The following DPP6 variants were observed in gnomAD, a reference collection of about 807,000 sequenced individuals.
DPP6 encodes dipeptidyl peptidase like 6.
A neutral mutation model predicts 122.6 loss-of-function variants in DPP6; 69 were observed. The ratio of observed to expected loss-of-function variants is 0.56; its 90% CI spans 0.46 to 0.69. The LOEUF (loss-of-function observed/expected upper bound fraction) is 0.69. DPP6 is among the 30% of genes least tolerant of loss of function. The pLI is 0.00. For missense variants in DPP6, 928 were observed against 1,116.9 expected (o/e 0.83, Z 2.41); for synonymous variants, 418 against 433.1 (o/e 0.97, Z 0.43).
At chr7:154,593,732 C>G (rs894948878) in intron 5 of DPP6, among the ~76,000 whole-genome samples, 1 of 152,204 alleles carries the variant, frequency 6.6e-6, no homozygotes, top group African/African-American at 2.4e-5. Context: ...AACCTGAGCC[C>G]TTTCCACACG....
chr7:153,960,151 C>G (rs1274499340), intron 1 of DPP6, among the ~76,000 whole-genome samples: 1 of 150,664 alleles, frequency 6.6e-6, no homozygotes, highest in African/African-American at 2.5e-5. Flanking sequence ...TAAAGTAAAA[C>G]TTTATGAAGT....
chr7:154,880,802 G>T (rs1584968293), intron 20 of DPP6, 86 bp from the exon 21 acceptor site: 1 of 1,611,188 alleles, frequency 6.2e-7, no homozygotes, highest in East Asian at 2.2e-5. Flanking sequence ...CCTTGAAATG[G>T]ATGGAAAACA....
intron 17 of DPP6, among the ~76,000 whole-genome samples, chr7:154,854,846 T>C (rs1250264023): frequency 1.2e-4 from 19 of 152,178 alleles, no homozygotes; most frequent in Admixed American, 1.2e-3. Flanking sequence ...CCTCGGTCCC[T>C]CCCTTTCCAG....
chr7:154,726,733 T>A (rs1842084018), intron 7 of DPP6, among the ~76,000 whole-genome samples: 1 of 152,234 alleles, frequency 6.6e-6, no homozygotes, highest in Admixed American at 6.5e-5. Flanking sequence ...CCCTAGAAAG[T>A]GAGTTTTTCT....
chr7:154,770,121 C>T, intron 9 of DPP6, among the ~76,000 whole-genome samples: 1 of 152,122 alleles, frequency 6.6e-6, no homozygotes, highest in East Asian at 1.9e-4. Flanking sequence ...GATTAGTGCC[C>T]TTATGTATTT....
At chr7:154,726,200 C>T (rs189746676) in intron 7 of DPP6, among the ~76,000 whole-genome samples, 32 of 152,328 alleles carry the variant, frequency 2.1e-4, no homozygotes, top group Admixed American at 9.1e-4. Flanking sequence ...TGGCCCTCTT[C>T]TCACAGCTCC....
At chr7:154,196,657 G>T (rs2150776239) in intron 1 of DPP6, among the ~76,000 whole-genome samples, 1 of 152,278 alleles carries the variant, frequency 6.6e-6, no homozygotes, top group South Asian at 2.1e-4. Context: ...GACCACCTGG[G>T]CTCCCTGGCC....
At chr7:154,673,864 T>C (rs1259669463) in intron 7 of DPP6, among the ~76,000 whole-genome samples, 1 of 151,516 alleles carries the variant, frequency 6.6e-6, no homozygotes, top group Non-Finnish European at 1.5e-5. Context: ...GAACTGAGAT[T>C]TCCTCCATGT....
chr7:154,842,398 A>G (rs1801625107), intron 16 of DPP6, among the ~76,000 whole-genome samples: 1 of 152,016 alleles, frequency 6.6e-6, no homozygotes, highest in Non-Finnish European at 1.5e-5. Flanking sequence ...TTTTTCTTTT[A>G]CAGTTTTGTG....
intron 1 of DPP6, among the ~76,000 whole-genome samples, chr7:154,430,225 C>T (rs542544809): frequency 2.0e-4 from 30 of 152,220 alleles, no homozygotes; most frequent in African/African-American, 6.0e-4. Context: ...CACTAAGGCA[C>T]GGGGTTAGTT....
chr7:154,504,023 A>C (rs958919235), intron 3 of DPP6, among the ~76,000 whole-genome samples: 1 of 152,224 alleles, frequency 6.6e-6, no homozygotes, highest in African/African-American at 2.4e-5. Context: ...GTATCCTTTT[A>C]GCTGAATGAT....
chr7:153,806,316 T>C, the DPP6 span, among the ~76,000 whole-genome samples: 456 of 152,150 alleles, frequency 3.0e-3, 2 homozygotes, highest in Non-Finnish European at 4.1e-3. Flanking sequence ...TATCCAGATG[T>C]AATTTCTCTG....
chr7:154,263,470 A>G (rs1803167473), intron 1 of DPP6, among the ~76,000 whole-genome samples: 1 of 152,204 alleles, frequency 6.6e-6, no homozygotes, highest in African/African-American at 2.4e-5. Context: ...ACCTCCCACA[A>G]GCTGCAGCTT....
chr7:154,876,803 TCA>T (rs761478121), intron 20 of DPP6: 5 of 152,248 alleles, frequency 3.3e-5, no homozygotes, highest in African/African-American at 7.2e-5. Context: ...GAAGCAGTTT[TCA>T]CAGTCTGATG....
chr7:154,020,488 C>T (rs994015027), intron 1 of DPP6, among the ~76,000 whole-genome samples: 2 of 151,864 alleles, frequency 1.3e-5, no homozygotes, highest in African/African-American at 4.8e-5. Flanking sequence ...TCAGGTAGTT[C>T]AAGAGTCAGA....
chr7:153,983,150 G>T (rs1057101959), intron 1 of DPP6, among the ~76,000 whole-genome samples: 1 of 152,206 alleles, frequency 6.6e-6, no homozygotes, highest in Non-Finnish European at 1.5e-5. Flanking sequence ...GCCCACAGCC[G>T]CCCCTTCCCA....
At chr7:154,479,557 C>CAAAAAAA (rs35103324) in intron 3 of DPP6, among the ~76,000 whole-genome samples, 24 of 91,008 alleles carry the variant, frequency 2.6e-4, no homozygotes, top group Non-Finnish European at 4.0e-4. Context: ...GACTCCATCT[C>CAAAAAAA]AAAAAAAAAA....
chr7:154,538,785 T>C (rs1171736462), intron 3 of DPP6, among the ~76,000 whole-genome samples: 1 of 152,260 alleles, frequency 6.6e-6, no homozygotes, highest in Admixed American at 6.5e-5. Flanking sequence ...TGAGTTCTTT[T>C]AATGTGAGAT....
Position 154,082,852 on chromosome 7 carries a change from T to C in DPP6, c.243+29789T>C, listed in dbSNP as rs1280409180. On this transcript the variant is annotated intron_variant, in intron 1 of 25. Transcript: ENST00000377770. ...GTGCCTATCTTTTCTTTTTCTTTTT[T>C]TTTTTTTTTTTTTTGAGATGGAGTC... Among the ~76,000 whole-genome samples, 176 of 141,996 alleles carry C rather than the reference T, an allele frequency of 1.2e-3. 2 individuals are homozygous for C. Among genetic ancestry groups the C allele is most frequent in the African/African-American group, 4.3e-3 (163 of 38,114 alleles). The allele number at this position is 141,996 out of a possible 152,430, so 93.2% of individuals were successfully genotyped here. A position where few individuals can be genotyped will look rare whatever the true frequency, so the allele number is the denominator to read the frequency against.
Sources: allele counts gnomAD v4.1 joint callset (sites outside exome capture counted in the v4.1 genomes callset), GRCh38; gene constraint gnomAD v4.1.1; transcripts MANE v1.5; gene names NCBI Gene and HGNC (gene_info 2026-07-23, HGNC 2026-07-21).